RETREG1: variants seen among roughly 807,000 people sequenced by gnomAD.
RETREG1 encodes the protein family with sequence similarity 134 member B.
Under a neutral mutation model 54.8 loss-of-function variants are expected in RETREG1, and 44 were observed. That is an observed-to-expected ratio of 0.80 (90% CI 0.63 to 1.03). The LOEUF is 1.03. Ranked by LOEUF, RETREG1 falls within the 50% of genes least tolerant of loss-of-function variation. The pLI, the probability that RETREG1 is intolerant of heterozygous loss-of-function variation, is 0.00. For synonymous variants in RETREG1, 217 were observed against 238.5 expected, an observed-to-expected ratio of 0.91 and a Z score of 0.83; for missense variants, 554 against 605.1, an observed-to-expected ratio of 0.92 and a Z score of 0.89.
rs898672326 is a variant in RETREG1 at position 16,565,890 on chromosome 5, A to G, written c.428-97T>C. On this transcript the variant is annotated intron_variant, in intron 2 of 8. Transcript: ENST00000306320. ...ACTAGTCCAAGCTATTTAAAGTGGA[A>G]TGCTCAGATCTCTAACACTCAGGAC... 16 of 1,309,336 alleles carry G rather than the reference A, an allele frequency of 1.2e-5. No homozygotes were observed. The African/African-American group carries it at 2.2e-4, about 18-fold the overall frequency. 81.1% of individuals were successfully genotyped at this position (1,309,336 alleles called of 1,614,324 possible). A position where few individuals can be genotyped will look rare whatever the true frequency, so the allele number is the denominator to read the frequency against.
chr5:16,590,883 A>G (rs1205085949), intron 1 of RETREG1, among the ~76,000 whole-genome samples: 13 of 148,250 alleles, frequency 8.8e-5, no homozygotes, highest in Non-Finnish European at 1.8e-4. Context: ...ACATACACAC[A>G]CACGCACACA....
intron 3 of RETREG1, among the ~76,000 whole-genome samples, chr5:16,507,551 G>C (rs1489700169): frequency 6.6e-6 from 1 of 152,138 alleles, no homozygotes; most frequent in African/African-American, 2.4e-5. Flanking sequence ...TATGTAGAAA[G>C]TTGTTTCATT....
intron 3 of RETREG1, among the ~76,000 whole-genome samples, chr5:16,534,677 T>C (rs1741004064): frequency 6.6e-6 from 1 of 152,186 alleles, no homozygotes; most frequent in Non-Finnish European, 1.5e-5. Context: ...CTTTTCTGAG[T>C]TTTCACTAGC....
chr5:16,568,275 T>A, intron 2 of RETREG1, among the ~76,000 whole-genome samples: 1 of 4,650 alleles, frequency 2.2e-4, no homozygotes, highest in African/African-American at 8.4e-4. Flanking sequence ...TATCACTGAC[T>A]TTTTTTTTTT....
chr5:16,487,846 T>C lies in RETREG1; in HGVS notation c.459-4374A>G, dbSNP rs543595631. Among the ~76,000 whole-genome samples, 291 of 152,360 alleles carry C rather than the reference T, an allele frequency of 1.9e-3. 1 individual carries two copies. Among genetic ancestry groups the C allele is most frequent in the African/African-American group, 6.7e-3 (278 of 41,586 alleles). On this transcript the variant is annotated intron_variant, in intron 3 of 8. Transcript: ENST00000306320. ...GTCCACAGAAAGGAGCTTTGGCTTC[T>C]CAGTAGAATTTCAAACCAACATCCC...
chr5:16,551,790 C>A (rs1192066685), intron 3 of RETREG1, among the ~76,000 whole-genome samples: 1 of 152,088 alleles, frequency 6.6e-6, no homozygotes, highest in Non-Finnish European at 1.5e-5. Context: ...CATCATCTTG[C>A]AGTTCTGGTG....
intron 3 of RETREG1, among the ~76,000 whole-genome samples, chr5:16,539,457 T>C (rs1018494071): frequency 1.3e-5 from 2 of 152,014 alleles, no homozygotes; most frequent in African/African-American, 2.4e-5. Context: ...TTCCAGAACA[T>C]GTTTCATAAT....
At chr5:16,475,568 C>G (rs1228479860) in intron 8 of RETREG1, among the ~76,000 whole-genome samples, 1 of 152,106 alleles carries the variant, frequency 6.6e-6, no homozygotes, top group Non-Finnish European at 1.5e-5. Context: ...ATAAAAATTC[C>G]CCATCCTGCG....
At chr5:16,480,782 A>G (rs1369470342) in intron 5 of RETREG1, among the ~76,000 whole-genome samples, 4 of 152,116 alleles carry the variant, frequency 2.6e-5, no homozygotes, top group Non-Finnish European at 4.4e-5. Context: ...AAAATTTAAC[A>G]TAAAATTATT....
chr5:16,487,064 G>A (rs1739047915), intron 3 of RETREG1, among the ~76,000 whole-genome samples: 1 of 152,170 alleles, frequency 6.6e-6, no homozygotes, highest in South Asian at 2.1e-4. Context: ...GTGTGTAGCT[G>A]TCTTCCCACC....
At chr5:16,611,867 C>T (rs1442487335) in intron 1 of RETREG1, among the ~76,000 whole-genome samples, 3 of 152,070 alleles carry the variant, frequency 2.0e-5, no homozygotes, top group Non-Finnish European at 2.9e-5. Context: ...GAGTTCGTGA[C>T]CAGCCTGACC....
At chr5:16,528,431 C>G (rs1740792940) in intron 3 of RETREG1, among the ~76,000 whole-genome samples, 1 of 152,106 alleles carries the variant, frequency 6.6e-6, no homozygotes, top group Admixed American at 6.5e-5. Context: ...GGGACGGTCA[C>G]CCCAGGTTCA....
intron 3 of RETREG1, among the ~76,000 whole-genome samples, chr5:16,518,591 A>T (rs1036618243): frequency 1.3e-5 from 2 of 152,170 alleles, no homozygotes; most frequent in African/African-American, 4.8e-5. Flanking sequence ...ATTACTTTTA[A>T]ATGAAAAGGG....
At chr5:16,540,471 A>G (rs550738014) in intron 3 of RETREG1, among the ~76,000 whole-genome samples, 1 of 152,354 alleles carries the variant, frequency 6.6e-6, no homozygotes, top group East Asian at 1.9e-4. Context: ...AGGATCTTAA[A>G]AACTGAGAAT....
At chr5:16,518,581 A>T (rs1740434838) in intron 3 of RETREG1, among the ~76,000 whole-genome samples, 2 of 152,144 alleles carry the variant, frequency 1.3e-5, no homozygotes, top group South Asian at 4.1e-4. Flanking sequence ...AAGAAAAAAG[A>T]TTACTTTTAA....
chr5:16,567,310 G>A (rs1246799288), intron 2 of RETREG1, among the ~76,000 whole-genome samples: 1 of 152,196 alleles, frequency 6.6e-6, no homozygotes, highest in Non-Finnish European at 1.5e-5. Context: ...CTAACTCGCA[G>A]ACTCTGCAGG....
chr5:16,518,360 G>A (rs563983979), intron 3 of RETREG1, among the ~76,000 whole-genome samples: 8 of 150,776 alleles, frequency 5.3e-5, no homozygotes, highest in Admixed American at 1.3e-4. Flanking sequence ...ACAAGGCGAG[G>A]AGGAGGAGGG....
At chr5:16,508,519 AGATAACTAGCCAGT>A (rs1332343966) in intron 3 of RETREG1, 1 of 1,479,946 alleles carries the variant, frequency 6.8e-7, no homozygotes, top group Non-Finnish European at 9.4e-7. Flanking sequence ...ATTTTTAAAA[AGATAACTAGCCAGT>A]GAAACAGACT....
At chr5:16,507,200 T>C (rs1000925355) in intron 3 of RETREG1, among the ~76,000 whole-genome samples, 2 of 152,216 alleles carry the variant, frequency 1.3e-5, no homozygotes, top group Non-Finnish European at 2.9e-5. Flanking sequence ...TTTCAACCTC[T>C]AAAATGAGTA....
Sources: gnomAD v4.1 joint callset for allele counts (sites outside exome capture counted in the v4.1 genomes callset) on GRCh38, gnomAD v4.1.1 for gene constraint, MANE v1.5 for transcripts, NCBI Gene and HGNC (gene_info 2026-07-23, HGNC 2026-07-21) for gene names.